Variants in TRMT10B observed in about 807,000 individuals in gnomAD.
The protein encoded by TRMT10B is tRNA methyltransferase 10B, also known as tRNA methyltransferase 10 homolog B.
A neutral mutation model predicts 43.8 loss-of-function variants in TRMT10B; 33 were observed. That is an observed-to-expected ratio of 0.75 (90% CI 0.57 to 1.01). TRMT10B has a LOEUF of 1.01. Ranked by LOEUF, TRMT10B falls within the 50% of genes least tolerant of loss-of-function variation. The pLI is 0.00. For synonymous variants in TRMT10B, 137 were observed against 130.6 expected (o/e 1.05, Z -0.34); for missense variants, 362 against 369.8 (o/e 0.98, Z 0.17).
intron 1 of TRMT10B, among the ~76,000 whole-genome samples, chr9:37,754,395 C>G (rs893775933): frequency 5.9e-5 from 9 of 152,148 alleles, no homozygotes. Flanking sequence ...GTTTGAGGAA[C>G]AGCAAATAGA....
chr9:37,777,773 A>T lies in TRMT10B; in HGVS notation c.*66A>T. 7.6e-7 allele frequency: 1 copy of T among 1,317,530 alleles called. No individual in the cohort carries two copies. The highest frequency in any genetic ancestry group is 2.3e-5 in the East Asian group (1 of 43,038). 81.6% of individuals were successfully genotyped at this position (1,317,530 alleles called of 1,614,324 possible). A position where few individuals can be genotyped will look rare whatever the true frequency, so the allele number is the denominator to read the frequency against. ...GTAATGCCAACACTTTGGTAGACCG[A>T]AGTGGGCAGATCACCTGAGGTCAGG... On this transcript the variant is annotated 3_prime_UTR_variant, in exon 9 of 9. Coordinates refer to ENST00000297994, the MANE Select transcript of TRMT10B (RefSeq NM_144964.4).
chr9:37,762,413 TTTCTC>T, intron 2 of TRMT10B, 159 bp from the exon 3 acceptor site: 1 of 1,093,990 alleles, frequency 9.1e-7, no homozygotes, highest in Non-Finnish European at 1.3e-6. Flanking sequence ...GGGGCTCTGT[TTTCTC>T]TAAACACGAT....
At chr9:37,763,424 C>T (rs1482988283) in intron 3 of TRMT10B, among the ~76,000 whole-genome samples, 1 of 152,154 alleles carries the variant, frequency 6.6e-6, no homozygotes, top group Non-Finnish European at 1.5e-5. Flanking sequence ...AATCAATGAA[C>T]AAACTGAACT....
chr9:37,764,721 G>T (rs958037837), intron 4 of TRMT10B, among the ~76,000 whole-genome samples: 2 of 152,092 alleles, frequency 1.3e-5, no homozygotes, highest in African/African-American at 4.8e-5. Context: ...ACTGTGCCTG[G>T]CCTCAATGTA....
At chr9:37,777,199 A>T in intron 8 of TRMT10B, among the ~76,000 whole-genome samples, 1 of 73,776 alleles carries the variant, frequency 1.4e-5, no homozygotes, top group South Asian at 3.7e-4. Context: ...CGCCTCAAAA[A>T]AAAAAAAAAA....
intron 1 of TRMT10B, among the ~76,000 whole-genome samples, chr9:37,760,828 G>A (rs943099627): frequency 2.6e-5 from 4 of 152,198 alleles, no homozygotes; most frequent in African/African-American, 7.2e-5. Flanking sequence ...GACTACACCC[G>A]GAGGACCAGC....
intron 7 of TRMT10B, among the ~76,000 whole-genome samples, chr9:37,775,678 C>T (rs1828059019): frequency 6.6e-6 from 1 of 152,136 alleles, no homozygotes; most frequent in Non-Finnish European, 1.5e-5. Flanking sequence ...GGACTACAGG[C>T]ACACACCAGC....
chr9:37,768,984 A>C (rs1056500511), intron 5 of TRMT10B, among the ~76,000 whole-genome samples: 3 of 152,028 alleles, frequency 2.0e-5, no homozygotes, highest in African/African-American at 7.2e-5. Context: ...CTCAGCTTTG[A>C]GTTCTTCTCC....
In TRMT10B at chr9:37,778,955, A is replaced by C. The variant is rs1366670598; in HGVS notation, c.*1248A>C. Reference sequence around the variant, plus strand: ...CTTCATATGTATTTGTAACAGATTAAATTGGAAAGCAAACACAGTATTGAT... The same window carrying C: ...CTTCATATGTATTTGTAACAGATTACATTGGAAAGCAAACACAGTATTGAT... On this transcript the variant is annotated 3_prime_UTR_variant, in exon 9 of 9. Transcript: ENST00000297994. 1 of 148,574 alleles carries C rather than the reference A, an allele frequency of 6.7e-6. No individual in the cohort carries two copies. The highest frequency in any genetic ancestry group is 1.5e-5 in the Non-Finnish European group (1 of 67,158). The allele number at this position is 148,574 out of a possible 1,614,324, so 9.2% of individuals were successfully genotyped here.
rs1219898176 is a variant in TRMT10B, at chr9:37,778,938, G to A, written c.*1231G>A. 1 of 151,828 alleles carries A rather than the reference G, an allele frequency of 6.6e-6. No individual in the cohort carries two copies. Among genetic ancestry groups the A allele is most frequent in the Non-Finnish European group, 1.5e-5 (1 of 67,990 alleles). The allele number at this position is 151,828 out of a possible 1,614,324, so 9.4% of individuals were successfully genotyped here. On this transcript the variant is annotated 3_prime_UTR_variant, in exon 9 of 9. Coordinates refer to ENST00000297994, the MANE Select transcript of TRMT10B (RefSeq NM_144964.4). ...CCTGTACCAACTAGATTCTTCATAT[G>A]TATTTGTAACAGATTAAATTGGAAA...
At chr9:37,769,143 A>G (rs1378290864) in intron 5 of TRMT10B, among the ~76,000 whole-genome samples, 2 of 151,676 alleles carry the variant, frequency 1.3e-5, no homozygotes, top group Admixed American at 6.6e-5. Context: ...CCCCGTCCCT[A>G]CTAAAAATAC....
At chr9:37,756,682 G>A (rs535243271) in intron 1 of TRMT10B, among the ~76,000 whole-genome samples, 2 of 152,012 alleles carry the variant, frequency 1.3e-5, no homozygotes, top group East Asian at 3.9e-4. Context: ...TCATGCCACT[G>A]CGCTCCAGCC....
chr9:37,753,053 G>A (rs547939612), upstream of TRMT10B, among the ~76,000 whole-genome samples: 13 of 150,782 alleles, frequency 8.6e-5, no homozygotes, highest in South Asian at 1.1e-3. Flanking sequence ...TGAGGCCCGT[G>A]TGACCACGAA....
intron 1 of TRMT10B, among the ~76,000 whole-genome samples, chr9:37,755,831 CAAAA>C: frequency 6.6e-6 from 1 of 152,166 alleles, no homozygotes; most frequent in Non-Finnish European, 1.5e-5. Flanking sequence ...TTCAATTAAA[CAAAA>C]AATAAACACT....
chr9:37,777,692 G>A lies in TRMT10B; in HGVS notation c.936G>A (p.Arg312=), dbSNP rs752226577. 6.2e-7 allele frequency: 1 copy of A among 1,613,810 alleles called. No homozygotes were observed. The highest frequency in any genetic ancestry group is 1.1e-5 in the South Asian group (1 of 91,072). Residue 312 remains arginine, a synonymous_variant, in exon 9 of 9, where the codon CGG becomes CGA. Transcript: ENST00000297994. ...CTTCAGGAAAAGGCTATATTCTTCGGAACTCAGTGGAATGATGGGCCTAAG... is the reference window on the plus strand; with the variant it reads ...CTTCAGGAAAAGGCTATATTCTTCGAAACTCAGTGGAATGATGGGCCTAAG... The part of the protein sequence containing the change: ...GVSSGKGYIL[R]NSVE
chr9:37,771,379 G>T (rs1037102095), intron 7 of TRMT10B, among the ~76,000 whole-genome samples: 6 of 152,122 alleles, frequency 3.9e-5, no homozygotes, highest in Non-Finnish European at 8.8e-5. Flanking sequence ...AAGTTTTCTT[G>T]TGTATCCTTC....
chr9:37,774,768 G>A (rs747724374), intron 7 of TRMT10B, among the ~76,000 whole-genome samples: 55 of 152,174 alleles, frequency 3.6e-4, no homozygotes, highest in Admixed American at 7.2e-4. Flanking sequence ...TGTCAGCACC[G>A]AAAAGGTACT....
chr9:37,771,788 A>C (rs1288770305), intron 7 of TRMT10B, among the ~76,000 whole-genome samples: 1 of 152,238 alleles, frequency 6.6e-6, no homozygotes, highest in Non-Finnish European at 1.5e-5. Context: ...TCTGGTGGTC[A>C]CCATCTTATC....
intron 5 of TRMT10B, chr9:37,769,537 A>T (rs1294629427): frequency 5.7e-6 from 1 of 176,686 alleles, no homozygotes; most frequent in East Asian, 1.4e-4. Flanking sequence ...AAGCTGTCAC[A>T]TGTGCAGTTC....
Sources: gnomAD v4.1 joint callset for allele counts (sites outside exome capture counted in the v4.1 genomes callset) on GRCh38, gnomAD v4.1.1 for gene constraint, MANE v1.5 for transcripts, NCBI Gene and HGNC (gene_info 2026-07-23, HGNC 2026-07-21) for gene names.